CYTH1: variants seen among roughly 807,000 people sequenced by gnomAD.
CYTH1 encodes cytohesin-1.
Under a neutral mutation model 61.8 loss-of-function variants are expected in CYTH1, and 18 were observed. The observed-to-expected ratio is 0.29, with a 90% CI of 0.20 to 0.43. The LOEUF (loss-of-function observed/expected upper bound fraction) is 0.43, where lower values mean the gene tolerates loss of function less well. Ranked by LOEUF, CYTH1 falls within the 20% of genes least tolerant of loss-of-function variation. CYTH1 has a pLI of 1.00. For missense variants in CYTH1, 336 were observed against 510.5 expected (o/e 0.66, Z 3.29); for synonymous variants, 174 against 184.3 (o/e 0.94, Z 0.45).
intron 1 of CYTH1, among the ~76,000 whole-genome samples, chr17:78,746,125 A>G (rs901980534): frequency 1.3e-5 from 2 of 152,210 alleles, no homozygotes; most frequent in Admixed American, 6.5e-5. Flanking sequence ...GCAAAAAACT[A>G]TATACACAAT....
intron 5 of CYTH1, 129 bp from the exon 6 acceptor site, chr17:78,701,880 T>C (rs1421945543): frequency 1.1e-6 from 1 of 923,626 alleles, no homozygotes; most frequent in Non-Finnish European, 1.7e-6. Context: ...CAGCCACTTG[T>C]GCACACTGTC....
In CYTH1 at chr17:78,700,392, C is replaced by A; in HGVS notation, c.489G>T (p.Arg163=). The A allele has an allele frequency of 6.2e-7, 1 of 1,613,778 alleles. No homozygotes were observed. Residue 163 remains arginine (R), a synonymous_variant, in exon 7 of 14, where the codon CGG becomes CGT. Transcript: ENST00000446868. The surrounding 1 kb of genome is among the most constrained non-coding windows in gnomAD (Gnocchi z 5.1). Reference sequence around the variant, plus strand: ...ATCGCTGGGCAAACGCCTCCATCATCCGGTCGATCTTCTGGGCCTCTCCGG... The same window carrying A: ...ATCGCTGGGCAAACGCCTCCATCATACGGTCGATCTTCTGGGCCTCTCCGG... ...RLPGEAQKID[R]MMEAFAQRYC...
chr17:78,689,261 G>C (rs908530571), intron 11 of CYTH1, among the ~76,000 whole-genome samples: 1 of 152,148 alleles, frequency 6.6e-6, no homozygotes, highest in African/African-American at 2.4e-5. Context: ...ATAGAGTTCT[G>C]ATGAGTCTGC....
intron 11 of CYTH1, 151 bp from the exon 12 acceptor site, chr17:78,681,193 C>T (rs568292616): frequency 2.9e-6 from 2 of 689,528 alleles, no homozygotes; most frequent in African/African-American, 1.8e-5. Context: ...ACATTCTAAA[C>T]AAGAATAACA....
intron 3 of CYTH1, among the ~76,000 whole-genome samples, chr17:78,706,783 G>T (rs956536394): frequency 6.6e-6 from 1 of 152,076 alleles, no homozygotes; most frequent in African/African-American, 2.4e-5. Flanking sequence ...ACCGTTTCAT[G>T]GTGGTTTTAA....
At chr17:78,759,914 G>T (rs948185000) in intron 1 of CYTH1, among the ~76,000 whole-genome samples, 47 of 152,162 alleles carry the variant, frequency 3.1e-4, no homozygotes, top group Non-Finnish European at 8.8e-5. Context: ...CACACCTGGG[G>T]TCCCCAAATT....
At chr17:78,708,172 C>T (rs2144387904) in intron 3 of CYTH1, 25 bp downstream of exon 3, 2 of 1,613,596 alleles carry the variant, frequency 1.2e-6, no homozygotes, top group East Asian at 2.2e-5. Context: ...ACCACAGAAG[C>T]CACCTGGCAG....
intron 10 of CYTH1, among the ~76,000 whole-genome samples, chr17:78,693,402 C>T (rs1433042908): frequency 1.3e-5 from 2 of 151,940 alleles, no homozygotes; most frequent in Admixed American, 6.6e-5. Flanking sequence ...GTGGGTGGGT[C>T]GCTTGAGGTC....
rs533697524 is a variant in CYTH1 at position 78,714,875 on chromosome 17, A to G, written c.23-5143T>C. Among the ~76,000 whole-genome samples, 223 of 152,308 alleles carry G rather than the reference A, an allele frequency of 1.5e-3. 1 individual carries two copies. Among genetic ancestry groups the G allele is most frequent in the African/African-American group, 5.2e-3 (216 of 41,574 alleles). ...ATAATTAGGGGGAAAAAAGAAAGAA[A>G]AAAAAAACCTTTAAAAGAACAGAAA... On this transcript the variant is annotated intron_variant, in intron 1 of 13. Coordinates refer to ENST00000446868, the MANE Select transcript of CYTH1 (RefSeq NM_004762.6).
In CYTH1 at chr17:78,702,506, T is replaced by C. The variant is rs201172116; in HGVS notation, c.237+32A>G. The stretch of plus-strand genomic sequence containing the variant: ...AGCACTATAAAAAAACCCCATCTAA[T>C]ATGGACCACTTCCCGCTTCTTTCTC... On this transcript the variant is annotated intron_variant, in intron 4 of 13. Coordinates refer to ENST00000446868, the MANE Select transcript of CYTH1 (RefSeq NM_004762.6). 31 of 1,610,982 alleles carry C rather than the reference T, an allele frequency of 1.9e-5. No individual in the cohort carries two copies. The African/African-American group carries it at 3.7e-4, about 19-fold the overall frequency.
At chr17:78,681,159 T>C in intron 11 of CYTH1, 117 bp from the exon 12 acceptor site, 1 of 991,468 alleles carries the variant, frequency 1.0e-6, no homozygotes, top group East Asian at 2.4e-5. Context: ...ATGAAGTTCA[T>C]AAATCAGCCT....
intron 1 of CYTH1, among the ~76,000 whole-genome samples, chr17:78,757,583 C>G (rs2093406800): frequency 1.3e-5 from 2 of 152,200 alleles, no homozygotes; most frequent in African/African-American, 2.4e-5. Context: ...GTTCATTCTG[C>G]CAATGCTGAG....
At chr17:78,716,742 G>T (rs2144499694) in intron 1 of CYTH1, among the ~76,000 whole-genome samples, 1 of 152,320 alleles carries the variant, frequency 6.6e-6, no homozygotes, top group Middle Eastern at 3.4e-3. Flanking sequence ...TCATTCTCAT[G>T]CTGCCCCGGA....
At chr17:78,682,340 G>A (rs1214677836) in intron 11 of CYTH1, among the ~76,000 whole-genome samples, 1 of 152,134 alleles carries the variant, frequency 6.6e-6, no homozygotes, top group Non-Finnish European at 1.5e-5. Flanking sequence ...CCTTGCTAAT[G>A]CTAATTTGTA....
chr17:78,758,261 C>G (rs1003109455), intron 1 of CYTH1, among the ~76,000 whole-genome samples: 1 of 152,198 alleles, frequency 6.6e-6, no homozygotes, highest in African/African-American at 2.4e-5. Context: ...GCCGAGGCCC[C>G]AAGCATCCCT....
chr17:78,716,076 T>A (rs1418609836), intron 1 of CYTH1, among the ~76,000 whole-genome samples: 1 of 152,086 alleles, frequency 6.6e-6, no homozygotes, highest in East Asian at 1.9e-4. Flanking sequence ...TGTGATCAAC[T>A]ACCAAAAATG....
chr17:78,705,422 T>C (rs2093055062), intron 3 of CYTH1, among the ~76,000 whole-genome samples: 1 of 152,168 alleles, frequency 6.6e-6, no homozygotes, highest in Non-Finnish European at 1.5e-5. Context: ...GACACCCCAG[T>C]TAAGGTGTCC....
In CYTH1 at chr17:78,700,034, T is replaced by G. The variant is rs922996982; in HGVS notation, c.550+297A>C. On this transcript the variant is annotated intron_variant, in intron 7 of 13. Transcript: ENST00000446868. This position sits in a 1 kb window ranked among gnomAD's most constrained non-coding sequence, Gnocchi z 5.1. ...TCAAACTCCTAGCCTCAAGCAATCCTCTCACCTCGGCCTCCCACCCAAGGT... is the reference window on the plus strand; with the variant it reads ...TCAAACTCCTAGCCTCAAGCAATCCGCTCACCTCGGCCTCCCACCCAAGGT... 3.9e-5 allele frequency among the ~76,000 whole-genome samples: 6 copies of G among 152,100 alleles called. No homozygotes were observed. Among genetic ancestry groups the G allele is most frequent in the Non-Finnish European group, 8.8e-5 (6 of 68,020 alleles).
intron 1 of CYTH1, among the ~76,000 whole-genome samples, chr17:78,719,660 T>C (rs2093211618): frequency 6.6e-6 from 1 of 152,120 alleles, no homozygotes; most frequent in Admixed American, 6.5e-5. Context: ...GGAAGAGAGA[T>C]GTAAAGCAAA....
Sources: allele counts gnomAD v4.1 joint callset (sites outside exome capture counted in the v4.1 genomes callset), GRCh38; gene constraint gnomAD v4.1.1; non-coding constraint Gnocchi (gnomAD v3.1); transcripts MANE v1.5; gene names NCBI Gene and HGNC (gene_info 2026-07-23, HGNC 2026-07-21).